SLC22A23: variants seen among roughly 807,000 people sequenced by gnomAD.
SLC22A23 encodes ion transporter protein.
A neutral mutation model predicts 61.0 loss-of-function variants in SLC22A23; 26 were observed. The ratio of observed to expected loss-of-function variants is 0.43; its 90% confidence interval spans 0.31 to 0.59. The LOEUF is 0.59. Ranked by LOEUF, SLC22A23 falls within the 20% of genes least tolerant of loss-of-function variation. SLC22A23 has a pLI of 0.11. For synonymous variants in SLC22A23, 430 were observed against 413.9 expected, an observed-to-expected ratio of 1.04 and a Z score of -0.47; for missense variants, 796 against 934.7, an observed-to-expected ratio of 0.85 and a Z score of 1.94.
intron 3 of SLC22A23, among the ~76,000 whole-genome samples, chr6:3,370,961 C>T (rs1238754627): frequency 2.0e-5 from 3 of 152,150 alleles, no homozygotes; most frequent in African/African-American, 4.8e-5. Flanking sequence ...TACCACAACA[C>T]GAAAATGAAC....
chr6:3,428,652 A>G (rs1289259534), intron 1 of SLC22A23, among the ~76,000 whole-genome samples: 1 of 152,216 alleles, frequency 6.6e-6, no homozygotes, highest in East Asian at 1.9e-4. Context: ...CTCAAAGGCA[A>G]ATAGACAGCA....
intron 3 of SLC22A23, among the ~76,000 whole-genome samples, chr6:3,366,058 C>T (rs773064160): frequency 2.6e-5 from 4 of 152,022 alleles, no homozygotes; most frequent in Non-Finnish European, 5.9e-5. Flanking sequence ...TGGCTGGGCG[C>T]GGTGGCTCAC....
At chr6:3,279,039 G>T (rs1240204096) in intron 9 of SLC22A23, among the ~76,000 whole-genome samples, 1 of 152,114 alleles carries the variant, frequency 6.6e-6, no homozygotes, top group Non-Finnish European at 1.5e-5. Flanking sequence ...ACATCATACT[G>T]ATCTATCTTG....
intron 3 of SLC22A23, among the ~76,000 whole-genome samples, chr6:3,355,599 GCTAGGTCTGGGCC>G (rs1765022785): frequency 6.6e-6 from 1 of 152,148 alleles, no homozygotes; most frequent in South Asian, 2.1e-4. Flanking sequence ...ATGAGTCTGG[GCTAGGTCTGGGCC>G]CTCCCGCCCC....
intron 1 of SLC22A23, among the ~76,000 whole-genome samples, chr6:3,448,154 C>T (rs754506768): frequency 2.6e-5 from 4 of 152,088 alleles, no homozygotes; most frequent in South Asian, 2.1e-4. Context: ...CCACCTCCCT[C>T]GGCCTCCCGA....
At chr6:3,423,838 T>C (rs946885538) in intron 1 of SLC22A23, among the ~76,000 whole-genome samples, 3 of 152,230 alleles carry the variant, frequency 2.0e-5, no homozygotes, top group African/African-American at 4.8e-5. Context: ...ACATTTAAGA[T>C]GTCCCCATCA....
chr6:3,329,945 T>C lies in SLC22A23; in HGVS notation c.914-5943A>G, dbSNP rs890780518. Among the ~76,000 whole-genome samples the C allele has an allele frequency of 1.3e-5, 2 of 152,138 alleles. No homozygotes were observed. Among genetic ancestry groups the C allele is most frequent in the African/African-American group, 4.8e-5 (2 of 41,420 alleles). ...AGGCTCCTAAATTAAACACAATTCCTGGAACAGGCCTGCGGAACGAGAAAT... is the reference window on the plus strand; with the variant it reads ...AGGCTCCTAAATTAAACACAATTCCCGGAACAGGCCTGCGGAACGAGAAAT... On this transcript the variant is annotated intron_variant, in intron 3 of 9. Coordinates refer to ENST00000406686, the MANE Select transcript of SLC22A23 (RefSeq NM_015482.2). The surrounding 1 kb of genome is among the most constrained non-coding windows in gnomAD (Gnocchi z 4.8).
chr6:3,426,667 C>T (rs1206728451), intron 1 of SLC22A23, among the ~76,000 whole-genome samples: 1 of 152,006 alleles, frequency 6.6e-6, no homozygotes, highest in Non-Finnish European at 1.5e-5. Context: ...TTCTTTCTTT[C>T]TCTTTTTTTT....
intron 3 of SLC22A23, among the ~76,000 whole-genome samples, chr6:3,408,037 G>A (rs1265805128): frequency 1.3e-5 from 2 of 152,204 alleles, no homozygotes; most frequent in Non-Finnish European, 2.9e-5. Flanking sequence ...TGTAAATAAA[G>A]TTTTATTAGA....
intron 3 of SLC22A23, among the ~76,000 whole-genome samples, chr6:3,325,058 G>C (rs1039172227): frequency 6.6e-6 from 1 of 152,324 alleles, no homozygotes. Context: ...TTCTCTAAAG[G>C]CTTCTTGCTT....
At chr6:3,336,189 C>G (rs956307491) in intron 3 of SLC22A23, among the ~76,000 whole-genome samples, 2 of 152,112 alleles carry the variant, frequency 1.3e-5, no homozygotes, top group African/African-American at 4.8e-5. Context: ...CCTAACTCAG[C>G]AGTTAAGCAA....
chr6:3,274,776 TAAC>T (rs1394957599), intron 9 of SLC22A23, among the ~76,000 whole-genome samples: 1 of 152,100 alleles, frequency 6.6e-6, no homozygotes, highest in African/African-American at 2.4e-5. Context: ...TAGAAATAAA[TAAC>T]AAAGGAATGC....
chr6:3,446,880 G>GGGCATCTCCCT (rs1204134834), intron 1 of SLC22A23, among the ~76,000 whole-genome samples: 1 of 152,158 alleles, frequency 6.6e-6, no homozygotes, highest in Non-Finnish European at 1.5e-5. Flanking sequence ...AGCTGGCTAA[G>GGGCATCTCCCT]GGCATCTCCC....
intron 4 of SLC22A23, chr6:3,303,355 G>A: frequency 6.6e-6 from 1 of 152,328 alleles, no homozygotes; most frequent in East Asian, 1.9e-4. Context: ...CACTACTGGT[G>A]TTTATCCAAA....
At chr6:3,276,154 TAAGAG>T (rs1011919691) in intron 9 of SLC22A23, among the ~76,000 whole-genome samples, 2 of 151,946 alleles carry the variant, frequency 1.3e-5, no homozygotes, top group Non-Finnish European at 2.9e-5. Context: ...TGTAACAAAA[TAAGAG>T]AAGACACTTT....
At chr6:3,422,330 C>A (rs1208216527) in intron 1 of SLC22A23, among the ~76,000 whole-genome samples, 1 of 152,104 alleles carries the variant, frequency 6.6e-6, no homozygotes, top group Non-Finnish European at 1.5e-5. Flanking sequence ...ATGGCAAGAA[C>A]ACACACACAG....
chr6:3,304,195 G>A lies in SLC22A23; in HGVS notation c.1083-5977C>T, dbSNP rs9392477. On this transcript the variant is annotated intron_variant, in intron 4 of 9. Coordinates refer to ENST00000406686, the MANE Select transcript of SLC22A23 (RefSeq NM_015482.2). This position sits in a 1 kb window ranked among gnomAD's most constrained non-coding sequence, Gnocchi z 4.3. ...CACAGACCAGAGCCTGAGGCAGGAGGGTGTGTGTGCAGCCCAGTGGTGCAA... is the reference window on the plus strand; with the variant it reads ...CACAGACCAGAGCCTGAGGCAGGAGAGTGTGTGTGCAGCCCAGTGGTGCAA... Among the ~76,000 whole-genome samples, 9,004 of 152,226 alleles carry A rather than the reference G, an allele frequency of 0.059. 521 individuals carry two copies. Among genetic ancestry groups the A allele is most frequent in the East Asian group, 0.24 (1,246 of 5,156 alleles).
rs1009125703 is a variant in SLC22A23 at position 3,269,564 on chromosome 6, C to T, written c.*3491G>A. ...AGACACGCAGCTGTGAACGACAGTT[C>T]AGAACTCAGCGTAAGCTTGTGCTAT... On this transcript the variant is annotated 3_prime_UTR_variant, in exon 10 of 10. Transcript: ENST00000406686. The T allele has an allele frequency of 6.5e-6, 1 of 152,844 alleles. No homozygotes were observed. 9.5% of individuals were successfully genotyped at this position (152,844 alleles called of 1,614,324 possible). A position where few individuals can be genotyped will look rare whatever the true frequency, so the allele number is the denominator to read the frequency against.
intron 3 of SLC22A23, among the ~76,000 whole-genome samples, chr6:3,402,467 T>C (rs141913864): frequency 0.046 from 1,323 of 28,758 alleles, 3 homozygotes; most frequent in African/African-American, 0.076. Flanking sequence ...AGCTAAGCCC[T>C]AATCACCCAC....
Sources: gnomAD v4.1 joint callset for allele counts (sites outside exome capture counted in the v4.1 genomes callset) on GRCh38, gnomAD v4.1.1 for gene constraint, Gnocchi (gnomAD v3.1) non-coding constraint, MANE v1.5 for transcripts, NCBI Gene and HGNC (gene_info 2026-07-23, HGNC 2026-07-21) for gene names.